ZNF667: variants seen among roughly 807,000 people sequenced by gnomAD.
The protein encoded by ZNF667 is zinc finger protein 667.
ZNF667 carries 13 observed loss-of-function variants against 31.8 expected under a neutral mutation model. That is an observed-to-expected ratio of 0.41 (90% CI 0.27 to 0.65). ZNF667 has a LOEUF of 0.65. Ranked by LOEUF, ZNF667 falls within the 30% of genes least tolerant of loss-of-function variation. The pLI is 0.32. For missense variants in ZNF667, 642 were observed against 725.6 expected, an observed-to-expected ratio of 0.88 and a Z score of 1.32; for synonymous variants, 228 against 247.1, an observed-to-expected ratio of 0.92 and a Z score of 0.73.
intron 5 of ZNF667, among the ~76,000 whole-genome samples, chr19:56,459,066 T>C (rs981455278): frequency 6.6e-6 from 1 of 152,062 alleles, no homozygotes. Context: ...CAGAATTGAA[T>C]TGGAGGACAC....
At chr19:56,449,345 G>A (rs947690035) in intron 6 of ZNF667, 3 of 373,514 alleles carry the variant, frequency 8.0e-6, no homozygotes, top group African/African-American at 6.4e-5. Flanking sequence ...GTTCTGGAGT[G>A]ACAGAGCTAA....
chr19:56,457,439 G>A (rs2042957053), intron 6 of ZNF667, among the ~76,000 whole-genome samples: 1 of 152,126 alleles, frequency 6.6e-6, no homozygotes, highest in Non-Finnish European at 1.5e-5. Context: ...ACCCTCCTCT[G>A]CTGCTCCTTC....
In ZNF667 at chr19:56,441,943, A is replaced by T; in HGVS notation, c.1052T>A (p.Ile351Asn). ...TTTGTACGGTTTCTCTGAAGTGTGA[A>T]TTCTCTGGTGAAGCATCAGGGGTGA... ...RISPLMLHQR[I>N]HTSEKPYKCD... Residue 351 changes from isoleucine to asparagine, a missense_variant, in exon 7 of 7, where the codon ATT becomes AAT. Physicochemically the swap from Ile to Asn is moderately radical, Grantham distance 149. Coordinates refer to ENST00000504904, the MANE Select transcript of ZNF667 (RefSeq NM_001321356.2). This position sits in a 1 kb window ranked among gnomAD's most constrained non-coding sequence, Gnocchi z 4.2. 6.2e-7 allele frequency: 1 copy of T among 1,614,092 alleles called. No homozygotes were observed. The highest frequency in any genetic ancestry group is 8.5e-7 in the Non-Finnish European group (1 of 1,180,018).
intron 3 of ZNF667, among the ~76,000 whole-genome samples, chr19:56,462,841 A>G (rs2043075972): frequency 6.6e-6 from 1 of 152,154 alleles, no homozygotes; most frequent in Non-Finnish European, 1.5e-5. Context: ...AATGATGGAC[A>G]TGGTCATTGC....
At chr19:56,475,185 CTTTA>C (rs1181255304) in intron 1 of ZNF667, 1 of 152,164 alleles carries the variant, frequency 6.6e-6, no homozygotes, top group Non-Finnish European at 1.5e-5. Context: ...CTATTATAGA[CTTTA>C]TTTTTGTCTC....
Position 56,440,612 on chromosome 19 carries a change from A to C in ZNF667, c.*550T>G, listed in dbSNP as rs1332696279. The C allele has an allele frequency of 1.0e-6, 1 of 981,156 alleles. No homozygotes were observed. Among genetic ancestry groups the C allele is most frequent in the Non-Finnish European group, 1.2e-6 (1 of 826,632 alleles). 60.8% of individuals were successfully genotyped at this position (981,156 alleles called of 1,614,324 possible). On this transcript the variant is annotated 3_prime_UTR_variant, in exon 7 of 7. Transcript: ENST00000504904. ...GTATGTGACCAATAAATTATCTTTA[A>C]AACTATGCTGGAAGTAAAATATCGG... is the stretch of plus-strand genomic sequence containing the variant.
intron 6 of ZNF667, among the ~76,000 whole-genome samples, chr19:56,455,642 G>A (rs1017446354): frequency 1.3e-5 from 2 of 152,170 alleles, no homozygotes; most frequent in African/African-American, 4.8e-5. Flanking sequence ...CAGAAAAAAG[G>A]AGATGGTTAG....
chr19:56,453,181 C>A (rs923370029), intron 6 of ZNF667, among the ~76,000 whole-genome samples: 1 of 152,070 alleles, frequency 6.6e-6, no homozygotes, highest in Admixed American at 6.6e-5. Context: ...ATGAAGACAT[C>A]CAAAACCTGA....
chr19:56,441,756 T>G lies in ZNF667; in HGVS notation c.1239A>C (p.Lys413Asn). 1.9e-6 allele frequency: 3 copies of G among 1,614,090 alleles called. No homozygotes were observed. The highest frequency in any genetic ancestry group is 2.5e-6 in the Non-Finnish European group (3 of 1,180,006). ...QHQKVHTKKK[K>N]LFECKECGKM... The stretch of plus-strand genomic sequence containing the variant: ...TCCCACATTCCTTACACTCAAATAG[T>G]TTCTTTTTCTTTGTATGAACTTTCT... The change falls in exon 7 of 7, where the codon AAA (lysine) becomes AAC (asparagine). Residue 413 changes from lysine (K) to asparagine (N), a missense_variant. Transcript: ENST00000504904. The surrounding 1 kb of genome is among the most constrained non-coding windows in gnomAD (Gnocchi z 4.2).
intron 3 of ZNF667, among the ~76,000 whole-genome samples, chr19:56,469,606 A>G (rs1191053947): frequency 6.6e-6 from 1 of 152,178 alleles, no homozygotes; most frequent in Non-Finnish European, 1.5e-5. Context: ...AGTCTGCTCA[A>G]ACCTCACCTT....
At chr19:56,469,937 G>T (rs752279996) in intron 3 of ZNF667, 1 of 494,472 alleles carries the variant, frequency 2.0e-6, no homozygotes, top group South Asian at 1.5e-5. Context: ...GTAGGGGTAT[G>T]CTTCACATGT....
At chr19:56,450,545 C>A (rs2042800170) in intron 6 of ZNF667, among the ~76,000 whole-genome samples, 1 of 151,856 alleles carries the variant, frequency 6.6e-6, no homozygotes, top group Admixed American at 6.6e-5. Flanking sequence ...CACTCACTAG[C>A]AATAGTAACT....
At chr19:56,457,323 C>A (rs528366428) in intron 6 of ZNF667, among the ~76,000 whole-genome samples, 3 of 151,712 alleles carry the variant, frequency 2.0e-5, no homozygotes, top group Admixed American at 2.0e-4. Context: ...AAAGGAAATA[C>A]GAAAGCAGAG....
At position 56,442,592 on chromosome 19, in the gene ZNF667, T is replaced by C. The variant is rs766305359; in HGVS notation, c.403A>G (p.Lys135Glu). The C allele has an allele frequency of 4.3e-5, 70 of 1,613,976 alleles. No individual in the cohort carries two copies. The highest frequency in any genetic ancestry group is 5.6e-5 in the Non-Finnish European group (66 of 1,180,000). The change falls in exon 7 of 7, where the codon AAG becomes GAG. Residue 135 changes from lysine to glutamate, a missense_variant. By Grantham distance (56) the Lys-to-Glu change is moderately conservative (BLOSUM62 1). Coordinates refer to ENST00000504904, the MANE Select transcript of ZNF667 (RefSeq NM_001321356.2). ...CNKNSVLVKP[K>E]KGHSGKKPLK... Reference sequence around the variant, plus strand: ...GGTTTCTTCCCTGAATGCCCTTTCTTAGGTTTTACTAGGACTGAATTTTTG... The same window carrying C: ...GGTTTCTTCCCTGAATGCCCTTTCTCAGGTTTTACTAGGACTGAATTTTTG...
At position 56,466,910 on chromosome 19, in the gene ZNF667, CT is replaced by C. The variant is rs2043173060; in HGVS notation, c.-59-4482del. ...TCCTTACAGTTTCCCATTCCTTCTC[CT>C]GCTTTCTGAGAACACCCTACTCTAT... is the stretch of plus-strand genomic sequence containing the variant. On this transcript the variant is annotated intron_variant, in intron 3 of 6. Coordinates refer to ENST00000504904, the MANE Select transcript of ZNF667 (RefSeq NM_001321356.2). 4 of 428,402 alleles carry C rather than the reference CT, an allele frequency of 9.3e-6. No individual in the cohort carries two copies. The Admixed American group carries it at 1.0e-4, about 11-fold the overall frequency. The allele number at this position is 428,402 out of a possible 1,614,324, so 26.5% of individuals were successfully genotyped here.
In ZNF667 at chr19:56,440,122, A is replaced by G. The variant is rs141140462; in HGVS notation, c.*1040T>C. 2 of 152,372 alleles carry G rather than the reference A, an allele frequency of 1.3e-5. No homozygotes were observed. The highest frequency in any genetic ancestry group is 2.4e-5 in the African/African-American group (1 of 41,586). The allele number at this position is 152,372 out of a possible 1,614,324, so 9.4% of individuals were successfully genotyped here. On this transcript the variant is annotated 3_prime_UTR_variant, in exon 7 of 7. Coordinates refer to ENST00000504904, the MANE Select transcript of ZNF667 (RefSeq NM_001321356.2). The stretch of plus-strand genomic sequence containing the variant: ...TGGGAGGGACATAAACATTCAGTCC[A>G]TAACAACTCATATTACACCACTTAT...
chr19:56,456,185 T>C (rs2042927295), intron 6 of ZNF667, among the ~76,000 whole-genome samples: 1 of 152,204 alleles, frequency 6.6e-6, no homozygotes, highest in Non-Finnish European at 1.5e-5. Flanking sequence ...AGAGAGACAT[T>C]TTAATGGCAA....
At chr19:56,458,573 G>C (rs890209101) in intron 5 of ZNF667, among the ~76,000 whole-genome samples, 1 of 152,136 alleles carries the variant, frequency 6.6e-6, no homozygotes, top group Admixed American at 6.5e-5. Context: ...TAGAGGATTG[G>C]AACTTTCAGC....
chr19:56,449,477 C>A, intron 6 of ZNF667: 1 of 252,744 alleles, frequency 4.0e-6, no homozygotes. Flanking sequence ...TTCAGGAGTT[C>A]GAGACCAGCC....
Sources: gnomAD v4.1 joint callset for allele counts (sites outside exome capture counted in the v4.1 genomes callset) on GRCh38, gnomAD v4.1.1 for gene constraint, Gnocchi (gnomAD v3.1) non-coding constraint, MANE v1.5 for transcripts, NCBI Gene and HGNC (gene_info 2026-07-23, HGNC 2026-07-21) for gene names.